BID: variants seen among roughly 807,000 people sequenced by gnomAD.
BID encodes the protein BH3 interacting domain death agonist, also known as BH3-interacting domain death agonist.
BID carries 19 observed loss-of-function variants against 17.4 expected under a neutral mutation model. That is an observed-to-expected ratio of 1.09 (90% CI 0.76 to 1.60). The LOEUF (loss-of-function observed/expected upper bound fraction) is 1.60. Among genes scored for constraint, BID ranks in the 40% most tolerant of loss-of-function variants. The probability of loss-of-function intolerance (pLI) is 0.00; values close to 1 mark genes in which losing one functional copy is unlikely to be tolerated. For synonymous variants in BID, 108 were observed against 102.8 expected (o/e 1.05, Z -0.31); for missense variants, 226 against 256.0 (o/e 0.88, Z 0.80).
intron 1 of BID, 22 bp from the exon 2 acceptor site, chr22:17,750,196 G>A (rs1180902391): frequency 6.2e-7 from 1 of 1,601,846 alleles, no homozygotes; most frequent in African/African-American, 1.3e-5. Flanking sequence ...CACACAGAGT[G>A]GGCGGCCGCT....
At chr22:17,766,215 C>T (rs556933368) in intron 1 of BID, among the ~76,000 whole-genome samples, 14 of 152,002 alleles carry the variant, frequency 9.2e-5, no homozygotes, top group African/African-American at 3.1e-4. Flanking sequence ...TGAGCCACTG[C>T]ACCTGGCCTG....
intron 3 of BID, chr22:17,739,968 G>A: frequency 8.8e-7 from 1 of 1,131,896 alleles, no homozygotes; most frequent in Non-Finnish European, 1.3e-6. Context: ...AGTTGTCACT[G>A]GCACCGGCAA....
Position 17,760,383 on chromosome 22 carries a change from C to T in BID, c.-58-10209G>A, listed in dbSNP as rs576519383. Among the ~76,000 whole-genome samples the T allele has an allele frequency of 8.2e-5, 10 of 122,096 alleles. No individual in the cohort carries two copies. In the South Asian group the frequency reaches 2.5e-3, roughly 31 times the overall value. 80.1% of individuals were successfully genotyped at this position (122,096 alleles called of 152,430 possible). A position where few individuals can be genotyped will look rare whatever the true frequency, so the allele number is the denominator to read the frequency against. The stretch of plus-strand genomic sequence containing the variant: ...AGAAGAATCGCTTGAACCCAGGAGG[C>T]GGGGGTTGCAGTGAGGTGAGATCGC... On this transcript the variant is annotated intron_variant, in intron 1 of 5. Coordinates refer to ENST00000622694, the MANE Select transcript of BID (RefSeq NM_001196.4).
At position 17,739,504 on chromosome 22, in the gene BID, G is replaced by A. The variant is rs1454061953; in HGVS notation, c.224-16C>T. 1.2e-6 allele frequency: 2 copies of A among 1,606,436 alleles called. No individual in the cohort carries two copies. The highest frequency in any genetic ancestry group is 2.2e-5 in the South Asian group (2 of 90,846). ...CTTTCAGAATCTGTGTTCAGGCAGG[G>A]GCGGCAGAGACAGAGCAGACTCAGA... On this transcript the variant is annotated splice_polypyrimidine_tract_variant and intron_variant, in intron 3 of 5. Coordinates refer to ENST00000622694, the MANE Select transcript of BID (RefSeq NM_001196.4).
chr22:17,736,064 A>G (rs1370894653), intron 5 of BID, among the ~76,000 whole-genome samples: 1 of 152,232 alleles, frequency 6.6e-6, no homozygotes, highest in Admixed American at 6.5e-5. Flanking sequence ...ACTGAAGACC[A>G]CAGCATATAA....
rs1000454177 is a variant in BID at position 17,769,402 on chromosome 22, G to A, written c.-59+4979C>T. ...CCAGAGGGAGAAACAAGGCTTTTGG[G>A]GAAATGGTGACACCTGGGGCCAGGT... On this transcript the variant is annotated intron_variant, in intron 1 of 5. Transcript: ENST00000622694. This position sits in a 1 kb window ranked among gnomAD's most constrained non-coding sequence, Gnocchi z 4.8. 2.6e-5 allele frequency among the ~76,000 whole-genome samples: 4 copies of A among 152,236 alleles called. No individual in the cohort carries two copies. The highest frequency in any genetic ancestry group is 4.4e-5 in the Non-Finnish European group (3 of 68,034).
chr22:17,774,451 G>C lies in BID; in HGVS notation c.-129C>G, dbSNP rs962493458. 6.8e-6 allele frequency: 2 copies of C among 295,188 alleles called. No individual in the cohort carries two copies. Among genetic ancestry groups the C allele is most frequent in the Non-Finnish European group, 1.4e-5 (2 of 138,992 alleles). 18.3% of individuals were successfully genotyped at this position (295,188 alleles called of 1,614,324 possible). A position where few individuals can be genotyped will look rare whatever the true frequency, so the allele number is the denominator to read the frequency against. On this transcript the variant is annotated 5_prime_UTR_variant, in exon 1 of 6. Transcript: ENST00000622694. ...GTCTCCCAGGCGCGCGGACACGGTC[G>C]ACTACCCGCTTCCTCCTTATGGCGC...
intron 1 of BID, among the ~76,000 whole-genome samples, chr22:17,751,109 A>T (rs969831902): frequency 2.6e-5 from 4 of 151,472 alleles, no homozygotes; most frequent in Non-Finnish European, 4.4e-5. Context: ...GCGGTGGCTC[A>T]CGCCTGTAAT....
chr22:17,739,473 T>A lies in BID; in HGVS notation c.239A>T (p.Glu80Val), dbSNP rs755901638. 1 of 1,611,902 alleles carries A rather than the reference T, an allele frequency of 6.2e-7. No homozygotes were observed. The highest frequency in any genetic ancestry group is 1.3e-5 in the African/African-American group (1 of 75,060). ...CCTGGCAATATTCCGGATGATGTCT[T>A]CTTGACTTTCAGAATCTGTGTTCAG... ...GRIEADSESQ[E>V]DIIRNIARHL... is the part of the protein sequence containing the mutation. Residue 80 changes from glutamate to valine, a missense_variant, in exon 4 of 6, where the codon GAA becomes GTA. Physicochemically the swap from Glu to Val is moderately radical, Grantham distance 121 (BLOSUM62 -2). Transcript: ENST00000622694.
In BID at chr22:17,738,241, G is replaced by T; in HGVS notation, c.364-12C>A. 1.9e-6 allele frequency: 3 copies of T among 1,606,600 alleles called. No individual in the cohort carries two copies. The highest frequency in any genetic ancestry group is 2.5e-6 in the Non-Finnish European group (3 of 1,178,878). On this transcript the variant is annotated splice_polypyrimidine_tract_variant and intron_variant, in intron 4 of 5. Transcript: ENST00000622694. ...TCCCTGTTCCGGTCCTGCACAGAGG[G>T]GCACACAGAACCTGGTTTACTAATA...
intron 3 of BID, chr22:17,739,973 C>T (rs546628560): frequency 1.5e-5 from 18 of 1,188,992 alleles, no homozygotes; most frequent in South Asian, 3.9e-5. Context: ...TCACTGGCAC[C>T]GGCAAGGCCC....
At chr22:17,771,867 G>A (rs888493476) in intron 1 of BID, among the ~76,000 whole-genome samples, 1 of 152,146 alleles carries the variant, frequency 6.6e-6, no homozygotes, top group Non-Finnish European at 1.5e-5. Context: ...TCCCACACAC[G>A]TCACTCGCTG....
chr22:17,749,195 G>A (rs2061518407), intron 2 of BID, among the ~76,000 whole-genome samples: 2 of 152,194 alleles, frequency 1.3e-5, no homozygotes, highest in Non-Finnish European at 2.9e-5. Flanking sequence ...AGGGAGGGGA[G>A]GAGGATGTGA....
intron 5 of BID, 80 bp from the exon 6 acceptor site, chr22:17,735,671 A>C (rs2145868021): frequency 6.4e-7 from 1 of 1,565,724 alleles, no homozygotes; most frequent in Non-Finnish European, 8.8e-7. Context: ...GCCACAGTAG[A>C]GCAAAGCTGG....
At chr22:17,771,121 A>G (rs1404807193) in intron 1 of BID, among the ~76,000 whole-genome samples, 1 of 151,682 alleles carries the variant, frequency 6.6e-6, no homozygotes, top group Non-Finnish European at 1.5e-5. Context: ...TTTTTTTGAG[A>G]CGGAGTCTCG....
chr22:17,749,956 G>T, intron 2 of BID, 149 bp downstream of exon 2: 1 of 724,586 alleles, frequency 1.4e-6, no homozygotes, highest in South Asian at 1.8e-5. Flanking sequence ...TTCAGTGAAG[G>T]GGCTGGGCGG....
At position 17,735,502 on chromosome 22, in the gene BID, G is replaced by T. The variant is rs1206273105; in HGVS notation, c.*78C>A. On this transcript the variant is annotated 3_prime_UTR_variant, in exon 6 of 6. Coordinates refer to ENST00000622694, the MANE Select transcript of BID (RefSeq NM_001196.4). ...CTAGGAACGCTGTTGACATGCCAGG[G>T]CTCCGTCTACACTGGAAGCAGCTAT... 1 of 1,560,708 alleles carries T rather than the reference G, an allele frequency of 6.4e-7. No individual in the cohort carries two copies. Among genetic ancestry groups the T allele is most frequent in the East Asian group, 2.2e-5 (1 of 44,574 alleles).
At chr22:17,762,878 T>TGTTC (rs2061650819) in intron 1 of BID, among the ~76,000 whole-genome samples, 2 of 151,000 alleles carry the variant, frequency 1.3e-5, no homozygotes, top group Non-Finnish European at 2.9e-5. Context: ...AAAACCTGTT[T>TGTTC]GTTTGTTTGT....
In BID at chr22:17,735,334, TGTGTGG is replaced by T; in HGVS notation, c.*240_*245del. The stretch of plus-strand genomic sequence containing the variant: ...GTAGATTTACAGATGTGCAGATTCA[TGTGTGG>T]ATGATATGAAGGCCATTCAAATACG... On this transcript the variant is annotated 3_prime_UTR_variant, in exon 6 of 6. Transcript: ENST00000622694. 8.2e-5 allele frequency: 43 copies of T among 524,842 alleles called. No individual in the cohort carries two copies. Among genetic ancestry groups the T allele is most frequent in the South Asian group, 2.3e-4 (9 of 39,616 alleles). 32.5% of individuals were successfully genotyped at this position (524,842 alleles called of 1,614,324 possible).
Sources: allele counts gnomAD v4.1 joint callset (sites outside exome capture counted in the v4.1 genomes callset), GRCh38; gene constraint gnomAD v4.1.1; non-coding constraint Gnocchi (gnomAD v3.1); transcripts MANE v1.5; gene names NCBI Gene and HGNC (gene_info 2026-07-23, HGNC 2026-07-21).